CCDC171: variants seen among roughly 807,000 people sequenced by gnomAD.
CCDC171 encodes coiled-coil domain-containing protein 171.
Under a neutral mutation model 168.2 loss-of-function variants are expected in CCDC171, and 177 were observed. That is an observed-to-expected ratio of 1.05 (90% CI 0.93 to 1.19). The LOEUF is 1.19. Among genes scored for constraint, CCDC171 ranks in the 50% most tolerant of loss-of-function variants. The pLI is 0.00. For synonymous variants in CCDC171, 687 were observed against 540.8 expected, an observed-to-expected ratio of 1.27 and a Z score of -3.75; for missense variants, 1,991 against 1,539.0, an observed-to-expected ratio of 1.29 and a Z score of -4.91.
At chr9:15,792,562 G>A (rs574767874) in intron 21 of CCDC171, among the ~76,000 whole-genome samples, 53 of 152,280 alleles carry the variant, frequency 3.5e-4, no homozygotes, top group African/African-American at 1.2e-3. Context: ...AATGTTAAGG[G>A]CAGCCAGAGA....
chr9:15,740,057 A>G (rs1170257647), intron 16 of CCDC171, among the ~76,000 whole-genome samples: 2 of 151,870 alleles, frequency 1.3e-5, no homozygotes, highest in African/African-American at 4.8e-5. Flanking sequence ...TTTTTTTTAA[A>G]TCTGTTAATT....
chr9:15,565,044 A>G (rs944704746), intron 2 of CCDC171, among the ~76,000 whole-genome samples: 1 of 151,552 alleles, frequency 6.6e-6, no homozygotes, highest in African/African-American at 2.4e-5. Context: ...ATTTACCCGT[A>G]AATTTGTTTT....
chr9:15,633,499 G>A (rs1587607120), intron 7 of CCDC171, among the ~76,000 whole-genome samples: 1 of 152,142 alleles, frequency 6.6e-6, no homozygotes, highest in South Asian at 2.1e-4. Context: ...AGTTAGAATG[G>A]CAATCATTAA....
At chr9:15,874,068 G>C (rs1027963950) in intron 23 of CCDC171, among the ~76,000 whole-genome samples, 3 of 152,002 alleles carry the variant, frequency 2.0e-5, no homozygotes, top group African/African-American at 4.8e-5. Context: ...TTTGATTCTA[G>C]AGTACATGTT....
intron 10 of CCDC171, among the ~76,000 whole-genome samples, chr9:15,691,546 T>TATATATTTATA: frequency 9.4e-6 from 1 of 106,406 alleles, no homozygotes; most frequent in Non-Finnish European, 1.8e-5. Flanking sequence ...TATATGTTTT[T>TATATATTTATA]TATATATATA....
At chr9:15,997,258 G>T (rs1589309584) in intron 3 of CCDC171, among the ~76,000 whole-genome samples, 3 of 152,146 alleles carry the variant, frequency 2.0e-5, no homozygotes. Context: ...CTAGAGCAAA[G>T]ACTGCGTCTT....
chr9:16,050,001 C>T (rs985527440), intron 1 of CCDC171, among the ~76,000 whole-genome samples: 1 of 152,218 alleles, frequency 6.6e-6, no homozygotes, highest in Non-Finnish European at 1.5e-5. Flanking sequence ...ATTCTCCCAC[C>T]TTAGCCTCCC....
chr9:15,694,643 A>G (rs1445521712), intron 10 of CCDC171, among the ~76,000 whole-genome samples: 1 of 152,016 alleles, frequency 6.6e-6, no homozygotes, highest in Non-Finnish European at 1.5e-5. Flanking sequence ...TCCTCATCCA[A>G]TCCAATCCAG....
At position 15,973,770 on chromosome 9, in the gene CCDC171, C is replaced by T. The variant is rs1046512135; in HGVS notation, c.*1934C>T. ...AACAATGATTAGGATATTGTTCATA[C>T]AGAAATTGATAGACAATTTTTTAGT... On this transcript the variant is annotated 3_prime_UTR_variant, in exon 26 of 26. Coordinates refer to ENST00000380701, the MANE Select transcript of CCDC171 (RefSeq NM_173550.4). 6.6e-6 allele frequency: 1 copy of T among 152,114 alleles called. No homozygotes were observed. Among genetic ancestry groups the T allele is most frequent in the African/African-American group, 2.4e-5 (1 of 41,434 alleles). The allele number at this position is 152,114 out of a possible 1,614,324, so 9.4% of individuals were successfully genotyped here.
At chr9:15,578,354 C>T (rs1039813) in intron 3 of CCDC171, among the ~76,000 whole-genome samples, 60,861 of 149,096 alleles carry the variant, frequency 0.41, 14,027 homozygotes, top group East Asian at 0.74. Context: ...TCCATCTCAG[C>T]CTCCTGAGTA....
At chr9:15,559,285 C>T (rs2132458380) in intron 1 of CCDC171, among the ~76,000 whole-genome samples, 1 of 152,164 alleles carries the variant, frequency 6.6e-6, no homozygotes, top group South Asian at 2.1e-4. Context: ...TCCTGGATAT[C>T]CTTGTTAACT....
intron 3 of CCDC171, among the ~76,000 whole-genome samples, chr9:15,573,407 C>T (rs1390994243): frequency 6.6e-6 from 1 of 151,984 alleles, no homozygotes; most frequent in Non-Finnish European, 1.5e-5. Flanking sequence ...TCAGCCTCCC[C>T]AGTAGCTGGG....
intron 16 of CCDC171, among the ~76,000 whole-genome samples, chr9:15,740,042 A>G (rs575364272): frequency 6.6e-6 from 1 of 151,820 alleles, no homozygotes; most frequent in East Asian, 1.9e-4. Context: ...TGGCCCTCCA[A>G]TGTGTTTTTT....
intron 23 of CCDC171, among the ~76,000 whole-genome samples, chr9:15,851,569 T>C (rs2061129756): frequency 6.6e-6 from 1 of 151,874 alleles, no homozygotes; most frequent in Non-Finnish European, 1.5e-5. Context: ...TTTTATTTTT[T>C]TTGAAAATCC....
chr9:15,675,787 C>T (rs985018688), intron 9 of CCDC171, among the ~76,000 whole-genome samples: 3 of 152,186 alleles, frequency 2.0e-5, no homozygotes, highest in African/African-American at 7.2e-5. Context: ...TGAACTTTCT[C>T]TCTGGCTGCC....
At chr9:15,703,479 T>G (rs776995367) in intron 11 of CCDC171, among the ~76,000 whole-genome samples, 5 of 152,242 alleles carry the variant, frequency 3.3e-5, no homozygotes, top group Non-Finnish European at 5.9e-5. Context: ...CAATTTTTTT[T>G]TAGCTCTCAT....
chr9:15,573,817 T>G (rs1384047310), intron 3 of CCDC171, among the ~76,000 whole-genome samples: 2 of 151,976 alleles, frequency 1.3e-5, no homozygotes, highest in Non-Finnish European at 2.9e-5. Flanking sequence ...TCCCAGCACT[T>G]TGGGAGGCCA....
At chr9:15,628,307 A>T (rs1022564094) in intron 7 of CCDC171, among the ~76,000 whole-genome samples, 1 of 152,106 alleles carries the variant, frequency 6.6e-6, no homozygotes, top group African/African-American at 2.4e-5. Flanking sequence ...CACCTGGAAA[A>T]TCGGGTCACT....
At chr9:15,763,781 A>G (rs1330289802) in intron 18 of CCDC171, among the ~76,000 whole-genome samples, 1 of 152,166 alleles carries the variant, frequency 6.6e-6, no homozygotes, top group African/African-American at 2.4e-5. Context: ...ATTTCATTCT[A>G]TGATTATACC....
Sources: allele counts gnomAD v4.1 joint callset (sites outside exome capture counted in the v4.1 genomes callset), GRCh38; gene constraint gnomAD v4.1.1; transcripts MANE v1.5; gene names NCBI Gene and HGNC (gene_info 2026-07-23, HGNC 2026-07-21).